ARHGEF28: variants seen among roughly 807,000 people sequenced by gnomAD.
The protein encoded by ARHGEF28 is 190 kDa guanine nucleotide exchange factor.
ARHGEF28 carries 152 observed loss-of-function variants against 206.6 expected under a neutral mutation model. The observed-to-expected ratio is 0.74, with a 90% confidence interval of 0.64 to 0.84. ARHGEF28 has a LOEUF of 0.84. Ranked by LOEUF, ARHGEF28 falls within the 40% of genes least tolerant of loss-of-function variation. ARHGEF28 has a pLI of 0.00. For missense variants in ARHGEF28, 2,028 were observed against 2,073.2 expected (o/e 0.98, Z 0.42); for synonymous variants, 763 against 776.4 (o/e 0.98, Z 0.29).
chr5:73,785,055 C>G lies in ARHGEF28; in HGVS notation c.910+4310C>G, dbSNP rs144806098. Among the ~76,000 whole-genome samples, 478 of 152,204 alleles carry G rather than the reference C, an allele frequency of 3.1e-3. 5 individuals carry two copies. The highest frequency in any genetic ancestry group is 0.011 in the African/African-American group (440 of 41,532). ...TATCATGAGATTTCATCATACTACT[C>G]AAGAATGGTCTGCAATTTAAAAAAA... On this transcript the variant is annotated intron_variant, in intron 7 of 35. Coordinates refer to ENST00000513042, the MANE Select transcript of ARHGEF28 (RefSeq NM_001177693.2).
chr5:73,864,531 A>T (rs984373941), intron 16 of ARHGEF28, among the ~76,000 whole-genome samples: 1 of 152,234 alleles, frequency 6.6e-6, no homozygotes, highest in Non-Finnish European at 1.5e-5. Context: ...ACACAGAAGC[A>T]TTGCAGAAGT....
intron 2 of ARHGEF28, among the ~76,000 whole-genome samples, chr5:73,700,724 A>G (rs1055933899): frequency 1.3e-5 from 2 of 152,222 alleles, no homozygotes; most frequent in East Asian, 1.9e-4. Context: ...GTACATATCA[A>G]AATATCAAAG....
intron 30 of ARHGEF28, 87 bp from the exon 31 acceptor site, chr5:73,901,097 T>C: frequency 2.1e-6 from 2 of 968,854 alleles, no homozygotes; most frequent in Non-Finnish European, 3.2e-6. Context: ...TTTTGAAATA[T>C]GTGTTGGCCG....
At chr5:73,838,320 C>A (rs577108244) in intron 10 of ARHGEF28, among the ~76,000 whole-genome samples, 1 of 152,192 alleles carries the variant, frequency 6.6e-6, no homozygotes, top group East Asian at 1.9e-4. Context: ...AATACAAATT[C>A]TGCATATTTA....
intron 2 of ARHGEF28, among the ~76,000 whole-genome samples, chr5:73,729,392 C>T (rs1247799415): frequency 6.6e-6 from 1 of 152,100 alleles, no homozygotes; most frequent in East Asian, 1.9e-4. Flanking sequence ...AGAACATATC[C>T]TCTGGGCTAA....
intron 4 of ARHGEF28, among the ~76,000 whole-genome samples, chr5:73,767,769 A>G (rs1342693742): frequency 6.6e-6 from 1 of 152,210 alleles, no homozygotes; most frequent in African/African-American, 2.4e-5. Flanking sequence ...AGAAATTTGT[A>G]TAAGTAATGA....
At chr5:73,841,419 CAA>C (rs1257419992) in intron 11 of ARHGEF28, among the ~76,000 whole-genome samples, 1 of 151,796 alleles carries the variant, frequency 6.6e-6, no homozygotes, top group Non-Finnish European at 1.5e-5. Flanking sequence ...TAAAGAAAAA[CAA>C]GAGGCCTGGC....
intron 9 of ARHGEF28, among the ~76,000 whole-genome samples, chr5:73,812,503 T>G (rs554002941): frequency 1.1e-4 from 16 of 152,360 alleles, no homozygotes; most frequent in African/African-American, 2.9e-4. Flanking sequence ...TGATAACATT[T>G]GGGATATCCT....
intron 35 of ARHGEF28, among the ~76,000 whole-genome samples, chr5:73,937,484 T>C (rs1764486580): frequency 6.6e-6 from 1 of 152,232 alleles, no homozygotes; most frequent in Non-Finnish European, 1.5e-5. Flanking sequence ...GAGATAATGT[T>C]AGGGATCAAA....
At position 73,867,922 on chromosome 5, in the gene ARHGEF28, T is replaced by C. The variant is rs1314152871; in HGVS notation, c.2199T>C (p.Pro733=). 1.9e-6 allele frequency: 3 copies of C among 1,613,904 alleles called. No homozygotes were observed. Among genetic ancestry groups the C allele is most frequent in the Non-Finnish European group, 2.5e-6 (3 of 1,179,874 alleles). ...CACAGCCTGGTCTCTCCTTGCACCC[T>C]TCTTCCTCCGTGCCTGTTGGATTGC... is the stretch of plus-strand genomic sequence containing the variant. ...DIPQPGLSLH[P]SSSVPVGLPT... Residue 733 remains proline, a synonymous_variant, in exon 19 of 36, where the codon CCT becomes CCC. Coordinates refer to ENST00000513042, the MANE Select transcript of ARHGEF28 (RefSeq NM_001177693.2).
At position 73,749,654 on chromosome 5, in the gene ARHGEF28, A is replaced by G. The variant is rs116554772; in HGVS notation, c.34-183A>G. Among the ~76,000 whole-genome samples the G allele has an allele frequency of 0.022, 3,337 of 152,362 alleles. 107 individuals carry two copies. Among genetic ancestry groups the G allele is most frequent in the African/African-American group, 0.077 (3,207 of 41,576 alleles). On this transcript the variant is annotated intron_variant, in intron 2 of 35. Transcript: ENST00000513042. ...TCTGATACCCATACCTAAATACATCAGGAAGCATCTTCCCTAATGTCAAAT... is the reference window on the plus strand; with the variant it reads ...TCTGATACCCATACCTAAATACATCGGGAAGCATCTTCCCTAATGTCAAAT...
chr5:73,878,110 G>A (rs1192401851), intron 22 of ARHGEF28, among the ~76,000 whole-genome samples: 3 of 152,066 alleles, frequency 2.0e-5, no homozygotes, highest in Non-Finnish European at 4.4e-5. Context: ...GGGTGCTCCT[G>A]TATTGGGTGC....
chr5:73,717,738 A>G (rs761004813), intron 2 of ARHGEF28, among the ~76,000 whole-genome samples: 1 of 152,244 alleles, frequency 6.6e-6, no homozygotes, highest in Non-Finnish European at 1.5e-5. Context: ...GTAAATCATG[A>G]TGATAGTGTA....
intron 24 of ARHGEF28, among the ~76,000 whole-genome samples, chr5:73,885,352 T>C (rs1761203528): frequency 6.6e-6 from 1 of 152,204 alleles, no homozygotes; most frequent in African/African-American, 2.4e-5. Context: ...CTCAGACATC[T>C]TACTGTCAGC....
chr5:73,732,592 T>C (rs1750684606), intron 2 of ARHGEF28, among the ~76,000 whole-genome samples: 1 of 152,162 alleles, frequency 6.6e-6, no homozygotes, highest in Admixed American at 6.5e-5. Flanking sequence ...TGGTAAATAT[T>C]GAGGGTTATT....
At chr5:73,637,693 G>A (rs1432271465) in intron 1 of ARHGEF28, among the ~76,000 whole-genome samples, 1 of 152,194 alleles carries the variant, frequency 6.6e-6, no homozygotes, top group Non-Finnish European at 1.5e-5. Context: ...TTATTGAGTT[G>A]GGTTTAGCTA....
At chr5:73,739,496 CA>C (rs1170710721) in intron 2 of ARHGEF28, among the ~76,000 whole-genome samples, 3 of 151,902 alleles carry the variant, frequency 2.0e-5, no homozygotes, top group African/African-American at 7.3e-5. Flanking sequence ...AAAAATAAAC[CA>C]AAGCAAAAAT....
intron 9 of ARHGEF28, among the ~76,000 whole-genome samples, chr5:73,826,752 C>T (rs371669509): frequency 2.6e-5 from 4 of 152,298 alleles, no homozygotes; most frequent in East Asian, 3.9e-4. Flanking sequence ...TTCCAATTCC[C>T]CTTCTTTCTA....
In ARHGEF28 at chr5:73,941,212, T is replaced by G. The variant is rs1400807019; in HGVS notation, c.*199T>G. 2 of 320,684 alleles carry G rather than the reference T, an allele frequency of 6.2e-6. No homozygotes were observed. Among genetic ancestry groups the G allele is most frequent in the Non-Finnish European group, 1.1e-5 (2 of 189,084 alleles). The allele number at this position is 320,684 out of a possible 1,614,324, so 19.9% of individuals were successfully genotyped here. Reference sequence around the variant, plus strand: ...CACCCTGTTTGTATAATCTTTAACTTATCAAATCTAATTTCAGATTTCTGG... The same window carrying G: ...CACCCTGTTTGTATAATCTTTAACTGATCAAATCTAATTTCAGATTTCTGG... On this transcript the variant is annotated 3_prime_UTR_variant, in exon 36 of 36. Transcript: ENST00000513042.
Sources: allele counts gnomAD v4.1 joint callset (sites outside exome capture counted in the v4.1 genomes callset), GRCh38; gene constraint gnomAD v4.1.1; transcripts MANE v1.5; gene names NCBI Gene and HGNC (gene_info 2026-07-23, HGNC 2026-07-21).